The following RALGPS1 variants were observed in gnomAD, a reference collection of about 807,000 sequenced individuals.
RALGPS1 encodes Ral GEF with PH domain and SH3 binding motif 1.
Under a neutral mutation model 78.8 loss-of-function variants are expected in RALGPS1, and 19 were observed. That is an observed-to-expected ratio of 0.24 (90% CI 0.17 to 0.35). The LOEUF (loss-of-function observed/expected upper bound fraction) is 0.35. Ranked by LOEUF, RALGPS1 falls within the 10% of genes least tolerant of loss-of-function variation. RALGPS1 has a pLI of 1.00. For missense variants in RALGPS1, 454 were observed against 688.3 expected, an observed-to-expected ratio of 0.66 and a Z score of 3.81; for synonymous variants, 228 against 256.3, an observed-to-expected ratio of 0.89 and a Z score of 1.06.
At chr9:126,990,290 C>G in intron 4 of RALGPS1, 1 of 328,838 alleles carries the variant, frequency 3.0e-6, no homozygotes, top group Non-Finnish European at 5.6e-6. Context: ...CACTGCCATC[C>G]CTCCCCTGAA....
chr9:127,076,657 T>C (rs1179399030), intron 8 of RALGPS1, among the ~76,000 whole-genome samples: 1 of 152,146 alleles, frequency 6.6e-6, no homozygotes, highest in Non-Finnish European at 1.5e-5. Context: ...TGATCATTGG[T>C]CAAAAAAAGT....
intron 8 of RALGPS1, among the ~76,000 whole-genome samples, chr9:127,132,764 TA>T (rs2057093728): frequency 6.6e-6 from 1 of 152,242 alleles, no homozygotes. Flanking sequence ...ATAATACCCA[TA>T]TTTCATAAGG....
In RALGPS1 at chr9:126,978,813, G is replaced by A. The variant is rs966411149; in HGVS notation, c.216+1068G>A. Reference sequence around the variant, plus strand: ...GATTTGGCCTTTCCAAAGGGCCCACGTTTACATGATCTTTAAGTCACCGTC... The same window carrying A: ...GATTTGGCCTTTCCAAAGGGCCCACATTTACATGATCTTTAAGTCACCGTC... On this transcript the variant is annotated intron_variant, in intron 4 of 18. Transcript: ENST00000259351. 3.3e-5 allele frequency among the ~76,000 whole-genome samples: 5 copies of A among 152,050 alleles called. No homozygotes were observed. In the South Asian group the frequency reaches 8.3e-4, roughly 25 times the overall value.
Position 127,188,832 on chromosome 9 carries a change from T to TTAAAAAAAAAAAAAAAAAA in RALGPS1, c.911-6259_911-6258insTAAAAAAAAAAAAAAAAAA, listed in dbSNP as rs756481918. Among the ~76,000 whole-genome samples the TTAAAAAAAAAAAAAAAAAA allele has an allele frequency of 6.4e-3, 556 of 87,362 alleles. 91 individuals are homozygous for TTAAAAAAAAAAAAAAAAAA. The highest frequency in any genetic ancestry group is 0.031 in the East Asian group (75 of 2,432). The allele number at this position is 87,362 out of a possible 152,430, so 57.3% of individuals were successfully genotyped here. On this transcript the variant is annotated intron_variant, in intron 11 of 18. Coordinates refer to ENST00000259351, the MANE Select transcript of RALGPS1 (RefSeq NM_014636.3). ...AAAGACTAAGAAACCCCATCTCTAC[T>TTAAAAAAAAAAAAAAAAAA]AAAAAAAAAAAAAAAAATGTAGCCA...
intron 10 of RALGPS1, among the ~76,000 whole-genome samples, chr9:127,170,633 A>C (rs1277223594): frequency 6.6e-6 from 1 of 152,232 alleles, no homozygotes; most frequent in Non-Finnish European, 1.5e-5. Flanking sequence ...TTTATGCACC[A>C]GTATTGTGAT....
intron 1 of RALGPS1, among the ~76,000 whole-genome samples, chr9:126,933,941 G>A (rs1216917501): frequency 6.6e-6 from 1 of 152,056 alleles, no homozygotes; most frequent in Non-Finnish European, 1.5e-5. Flanking sequence ...GGTGGTGCGC[G>A]AGGCCTTGGC....
At chr9:127,196,021 G>A (rs1383792182) in intron 12 of RALGPS1, among the ~76,000 whole-genome samples, 1 of 152,204 alleles carries the variant, frequency 6.6e-6, no homozygotes, top group African/African-American at 2.4e-5. Context: ...CCTCTGAGGT[G>A]GGTGCTATTA....
In RALGPS1 at chr9:127,091,295, T is replaced by TTTTA. The variant is rs1388282082; in HGVS notation, c.610+21939_610+21940insTTTA. Among the ~76,000 whole-genome samples, 1 of 152,226 alleles carries TTTTA rather than the reference T, an allele frequency of 6.6e-6. No individual in the cohort carries two copies. Among genetic ancestry groups the TTTTA allele is most frequent in the Non-Finnish European group, 1.5e-5 (1 of 68,036 alleles). On this transcript the variant is annotated intron_variant, in intron 8 of 18. Transcript: ENST00000259351. The surrounding 1 kb of genome is among the most constrained non-coding windows in gnomAD (Gnocchi z 4.3). Reference sequence around the variant, plus strand: ...GGGCCAGCACTGGAGCCCAGGTGTGTGGCCCAGAGCCTACGCAGTTGGTTA... The same window carrying TTTTA: ...GGGCCAGCACTGGAGCCCAGGTGTGTTTTAGGCCCAGAGCCTACGCAGTTGGTTA...
At chr9:127,041,312 G>A (rs776608321) in intron 5 of RALGPS1, among the ~76,000 whole-genome samples, 5 of 152,122 alleles carry the variant, frequency 3.3e-5, no homozygotes, top group East Asian at 3.9e-4. Flanking sequence ...GGTTGGTCTC[G>A]AACTCCTGAC....
At chr9:127,054,531 A>G (rs1224664626) in intron 7 of RALGPS1, among the ~76,000 whole-genome samples, 1 of 152,136 alleles carries the variant, frequency 6.6e-6, no homozygotes, top group Non-Finnish European at 1.5e-5. Flanking sequence ...CCATGGATGA[A>G]GCGATGGTGT....
At chr9:126,991,308 C>T (rs917258423) in intron 4 of RALGPS1, among the ~76,000 whole-genome samples, 5 of 152,284 alleles carry the variant, frequency 3.3e-5, no homozygotes, top group African/African-American at 9.6e-5. Context: ...GGAGAGGCTA[C>T]TGGGGCAGGA....
Position 127,211,958 on chromosome 9 carries a change from C to T in RALGPS1, c.1248-173C>T, listed in dbSNP as rs568569049. 6.6e-6 allele frequency among the ~76,000 whole-genome samples: 1 copy of T among 152,308 alleles called. No individual in the cohort carries two copies. Among genetic ancestry groups the T allele is most frequent in the East Asian group, 1.9e-4 (1 of 5,186 alleles). Reference sequence around the variant, plus strand: ...GTGTGGGAGTCCTTGGCGGTGGGCCCTTCATGTGCGTTATCACCTGGCCCT... The same window carrying T: ...GTGTGGGAGTCCTTGGCGGTGGGCCTTTCATGTGCGTTATCACCTGGCCCT... On this transcript the variant is annotated intron_variant, in intron 14 of 18. Transcript: ENST00000259351. This position sits in a 1 kb window ranked among gnomAD's most constrained non-coding sequence, Gnocchi z 5.0.
At chr9:127,035,949 C>G (rs2046830307) in intron 5 of RALGPS1, among the ~76,000 whole-genome samples, 1 of 152,054 alleles carries the variant, frequency 6.6e-6, no homozygotes, top group Non-Finnish European at 1.5e-5. Flanking sequence ...TTCATAGTTT[C>G]CTTAACAAAA....
Position 127,069,372 on chromosome 9 carries a change from G to A in RALGPS1, c.610+16G>A, listed in dbSNP as rs201101836. On this transcript the variant is annotated intron_variant, in intron 8 of 18. Coordinates refer to ENST00000259351, the MANE Select transcript of RALGPS1 (RefSeq NM_014636.3). ...CCCTATCTAGGTAGGAGTTTGAATT[G>A]GCTTATTTTTTTTTAAGAAACCTAC... The A allele has an allele frequency of 1.6e-5, 26 of 1,610,160 alleles. No individual in the cohort carries two copies. The highest frequency in any genetic ancestry group is 2.2e-5 in the East Asian group (1 of 44,840).
chr9:127,029,948 C>T (rs1035689749), intron 4 of RALGPS1, among the ~76,000 whole-genome samples: 6 of 152,242 alleles, frequency 3.9e-5, no homozygotes, highest in African/African-American at 1.4e-4. Flanking sequence ...TTCTTGCTTT[C>T]ACCTAGGAAT....
chr9:127,202,839 A>G (rs1382178628), intron 14 of RALGPS1, among the ~76,000 whole-genome samples: 1 of 152,034 alleles, frequency 6.6e-6, no homozygotes, highest in Admixed American at 6.5e-5. Context: ...CGGGGAGAGT[A>G]GGGGCGAGGA....
At chr9:127,107,969 G>C in intron 8 of RALGPS1, 2 of 1,571,578 alleles carry the variant, frequency 1.3e-6, no homozygotes, top group African/African-American at 1.3e-5. Context: ...ATAGTGGGCA[G>C]AGGGGGTGGC....
intron 11 of RALGPS1, among the ~76,000 whole-genome samples, chr9:127,175,108 A>C (rs1483029237): frequency 6.6e-6 from 1 of 152,232 alleles, no homozygotes; most frequent in Non-Finnish European, 1.5e-5. Flanking sequence ...CAGGCTCTCC[A>C]GACCCTTAGC....
At chr9:127,018,586 T>C (rs987834342) in intron 4 of RALGPS1, among the ~76,000 whole-genome samples, 46 of 151,720 alleles carry the variant, frequency 3.0e-4, no homozygotes, top group Admixed American at 3.3e-4. Flanking sequence ...TGAGCTGAGT[T>C]TGTGCTGCTG....
Sources: allele counts gnomAD v4.1 joint callset (sites outside exome capture counted in the v4.1 genomes callset), GRCh38; gene constraint gnomAD v4.1.1; non-coding constraint Gnocchi (gnomAD v3.1); transcripts MANE v1.5; gene names NCBI Gene and HGNC (gene_info 2026-07-23, HGNC 2026-07-21).